Variants in TAFA5 observed in about 807,000 individuals in gnomAD.
TAFA5 encodes chemokine-like protein TAFA-5.
A neutral mutation model predicts 15.3 loss-of-function variants in TAFA5; 6 were observed. The observed-to-expected ratio is 0.39, with a 90% confidence interval of 0.21 to 0.77. The LOEUF (loss-of-function observed/expected upper bound fraction) is 0.77, where lower values mean the gene tolerates loss of function less well. Ranked by LOEUF, TAFA5 falls within the 30% of genes least tolerant of loss-of-function variation. TAFA5 has a pLI of 0.41. For synonymous variants in TAFA5, 103 were observed against 80.7 expected (o/e 1.28, Z -1.48); for missense variants, 161 against 193.1 (o/e 0.83, Z 0.98).
chr22:48,626,329 CT>C (rs1926026160), intron 1 of TAFA5, among the ~76,000 whole-genome samples: 1 of 152,174 alleles, frequency 6.6e-6, no homozygotes, highest in Non-Finnish European at 1.5e-5. Context: ...AGGAGCGTTC[CT>C]GTTGTGCCAT....
rs550582283 is a variant in TAFA5 at position 48,598,852 on chromosome 22, A to G, written c.113-47745A>G. Among the ~76,000 whole-genome samples the G allele has an allele frequency of 4.6e-5, 7 of 152,086 alleles. No homozygotes were observed. Among genetic ancestry groups the G allele is most frequent in the Admixed American group, 3.3e-4 (5 of 15,282 alleles). On this transcript the variant is annotated intron_variant, in intron 1 of 3. Coordinates refer to ENST00000402357, the MANE Select transcript of TAFA5 (RefSeq NM_001082967.3). This position sits in a 1 kb window ranked among gnomAD's most constrained non-coding sequence, Gnocchi z 4.0. ...GCGCCAGGTGGTACCTGTATTTCCG[A>G]CTGACTGAATATAAGTCAGGGGGTT...
chr22:48,686,612 GTGGATGGGAGAAAGAA>G (rs1928361526), intron 2 of TAFA5, among the ~76,000 whole-genome samples: 1 of 152,242 alleles, frequency 6.6e-6, no homozygotes, highest in African/African-American at 2.4e-5. Context: ...GTTTGGGTGA[GTGGATGGGAGAAAGAA>G]TGGATGGATG....
intron 1 of TAFA5, among the ~76,000 whole-genome samples, chr22:48,638,140 C>T (rs1011827957): frequency 3.9e-5 from 6 of 152,098 alleles, no homozygotes; most frequent in Non-Finnish European, 8.8e-5. Context: ...CACGTCCTGG[C>T]AGTGCCAGTC....
intron 1 of TAFA5, among the ~76,000 whole-genome samples, chr22:48,583,415 C>CCA (rs757934999): frequency 6.8e-6 from 1 of 147,906 alleles, no homozygotes; most frequent in Middle Eastern, 3.6e-3. Flanking sequence ...ACAAAATACG[C>CCA]CACACACACA....
intron 1 of TAFA5, among the ~76,000 whole-genome samples, chr22:48,613,679 T>C (rs1925493906): frequency 6.6e-6 from 1 of 152,238 alleles, no homozygotes; most frequent in African/African-American, 2.4e-5. Flanking sequence ...AGTGTGATCT[T>C]GGCTCCACCT....
At chr22:48,601,393 C>T (rs939295126) in intron 1 of TAFA5, among the ~76,000 whole-genome samples, 1 of 152,088 alleles carries the variant, frequency 6.6e-6, no homozygotes, top group African/African-American at 2.4e-5. Context: ...GTGGCACCAT[C>T]TTGGCTCACC....
chr22:48,571,608 C>CTTTTTTTTTTTTTTTTT (rs1601586303), intron 1 of TAFA5, among the ~76,000 whole-genome samples: 5 of 33,536 alleles, frequency 1.5e-4, no homozygotes, highest in African/African-American at 3.4e-4. Context: ...TTTTTTTTTG[C>CTTTTTTTTTTTTTTTTT]TTTAAAAAAA....
intron 1 of TAFA5, among the ~76,000 whole-genome samples, chr22:48,579,857 A>G (rs772910178): frequency 1.3e-5 from 2 of 152,224 alleles, no homozygotes; most frequent in Non-Finnish European, 2.9e-5. Flanking sequence ...CCAAAGGGAC[A>G]TGAGAAAGCC....
intron 3 of TAFA5, among the ~76,000 whole-genome samples, chr22:48,722,556 G>A (rs130186): frequency 0.42 from 63,135 of 151,664 alleles, 14,003 homozygotes; most frequent in Non-Finnish European, 0.5. Flanking sequence ...GGGGCCTGTC[G>A]GGGTGGGGGG....
At chr22:48,514,520 C>A (rs532443176) in intron 1 of TAFA5, among the ~76,000 whole-genome samples, 1 of 152,318 alleles carries the variant, frequency 6.6e-6, no homozygotes, top group South Asian at 2.1e-4. Flanking sequence ...CCCTCCAGAA[C>A]TTGGGCCACA....
At chr22:48,557,356 G>A (rs1923076426) in intron 1 of TAFA5, among the ~76,000 whole-genome samples, 1 of 152,204 alleles carries the variant, frequency 6.6e-6, no homozygotes, top group African/African-American at 2.4e-5. Context: ...GGCGTCCACA[G>A]GCTGAGGAGG....
rs1390628143 is a variant in TAFA5 at position 48,560,135 on chromosome 22, C to T, written c.112+70431C>T. On this transcript the variant is annotated intron_variant, in intron 1 of 3. Coordinates refer to ENST00000402357, the MANE Select transcript of TAFA5 (RefSeq NM_001082967.3). The surrounding 1 kb of genome is among the most constrained non-coding windows in gnomAD (Gnocchi z 4.2). ...TCCACGTGCCGTCCCATGGGAAAGC[C>T]GAGTCCTTGTAGGGGAGGAGCGTCA... Among the ~76,000 whole-genome samples the T allele has an allele frequency of 1.3e-5, 2 of 152,222 alleles. No individual in the cohort carries two copies. Among genetic ancestry groups the T allele is most frequent in the East Asian group, 1.9e-4 (1 of 5,188 alleles).
chr22:48,669,347 A>T (rs1445967418), intron 2 of TAFA5, among the ~76,000 whole-genome samples: 1 of 152,198 alleles, frequency 6.6e-6, no homozygotes, highest in Non-Finnish European at 1.5e-5. Flanking sequence ...AAACCCAGAA[A>T]CCTATCAGGC....
chr22:48,551,006 C>T (rs1922836696), intron 1 of TAFA5, among the ~76,000 whole-genome samples: 1 of 151,912 alleles, frequency 6.6e-6, no homozygotes, highest in African/African-American at 2.4e-5. Context: ...ATAAGATGGG[C>T]TGCTGTGGTG....
At chr22:48,542,480 GGT>G (rs143903123) in intron 1 of TAFA5, among the ~76,000 whole-genome samples, 58,139 of 98,480 alleles carry the variant, frequency 0.59, 17,595 homozygotes, top group Middle Eastern at 0.79. Context: ...ATGTGTGTGT[GGT>G]GTGTGTGTGG....
chr22:48,586,771 C>T (rs549752779), intron 1 of TAFA5, among the ~76,000 whole-genome samples: 77 of 152,326 alleles, frequency 5.1e-4, no homozygotes, highest in African/African-American at 5.1e-4. Flanking sequence ...CACAGTTGGG[C>T]GACCTGGACA....
In TAFA5 at chr22:48,742,305, A is replaced by G. The variant is rs935452884; in HGVS notation, c.391-7534A>G. 6.6e-6 allele frequency among the ~76,000 whole-genome samples: 1 copy of G among 152,068 alleles called. No individual in the cohort carries two copies. Among genetic ancestry groups the G allele is most frequent in the African/African-American group, 2.4e-5 (1 of 41,408 alleles). ...CCTGCCAGGTTCGGGAAAAGAACTGACCCCCACGAGGATGGTCCTGGTGTT... is the reference window on the plus strand; with the variant it reads ...CCTGCCAGGTTCGGGAAAAGAACTGGCCCCCACGAGGATGGTCCTGGTGTT... On this transcript the variant is annotated intron_variant, in intron 3 of 3. Transcript: ENST00000402357. This position sits in a 1 kb window ranked among gnomAD's most constrained non-coding sequence, Gnocchi z 6.2.
intron 1 of TAFA5, among the ~76,000 whole-genome samples, chr22:48,512,245 G>T (rs553572926): frequency 1.1e-4 from 16 of 152,202 alleles, no homozygotes; most frequent in Admixed American, 3.3e-4. Flanking sequence ...GCTGCCTCTC[G>T]CTGCGCGGCC....
At chr22:48,524,862 C>T (rs1921726155) in intron 1 of TAFA5, among the ~76,000 whole-genome samples, 1 of 152,172 alleles carries the variant, frequency 6.6e-6, no homozygotes, top group Non-Finnish European at 1.5e-5. Context: ...CCTTCTGCAC[C>T]CAGGGCGTTC....
Sources: allele counts gnomAD v4.1 joint callset (sites outside exome capture counted in the v4.1 genomes callset), GRCh38; gene constraint gnomAD v4.1.1; non-coding constraint Gnocchi (gnomAD v3.1); transcripts MANE v1.5; gene names NCBI Gene and HGNC (gene_info 2026-07-23, HGNC 2026-07-21).